HDGFL3: variants seen among roughly 807,000 people sequenced by gnomAD.
The protein encoded by HDGFL3 is hepatoma-derived growth factor-related protein 3.
A neutral mutation model predicts 27.6 loss-of-function variants in HDGFL3; 6 were observed. That is an observed-to-expected ratio of 0.22 (90% CI 0.12 to 0.43). The LOEUF is 0.43. HDGFL3 is among the 20% of genes least tolerant of loss of function. The pLI is 1.00. For synonymous variants in HDGFL3, 88 were observed against 88.9 expected (o/e 0.99, Z 0.05); for missense variants, 207 against 250.1 (o/e 0.83, Z 1.16).
chr15:83,139,123 G>A lies in HDGFL3; in HGVS notation c.*147C>T, dbSNP rs2036715502. 1 of 455,934 alleles carries A rather than the reference G, an allele frequency of 2.2e-6. No individual in the cohort carries two copies. Among genetic ancestry groups the A allele is most frequent in the African/African-American group, 2.0e-5 (1 of 50,364 alleles). The allele number at this position is 455,934 out of a possible 1,614,324, so 28.2% of individuals were successfully genotyped here. On this transcript the variant is annotated 3_prime_UTR_variant, in exon 6 of 6. Coordinates refer to ENST00000299633, the MANE Select transcript of HDGFL3 (RefSeq NM_016073.4). ...TTTTCCCCCCGAAACACAACAGAGA[G>A]GAATATGAATAATGTACATACAAAC...
intron 1 of HDGFL3, among the ~76,000 whole-genome samples, chr15:83,203,618 T>C (rs1192390660): frequency 6.6e-6 from 1 of 152,014 alleles, no homozygotes; most frequent in Admixed American, 6.6e-5. Context: ...TTAAGAACAA[T>C]GACCATCCAT....
intron 1 of HDGFL3, among the ~76,000 whole-genome samples, chr15:83,178,822 A>G (rs981328544): frequency 5.9e-5 from 9 of 152,288 alleles, no homozygotes; most frequent in African/African-American, 2.2e-4. Context: ...TAAATCAGTG[A>G]TTAATTCTTC....
At chr15:83,174,780 G>A (rs1396492021) in intron 1 of HDGFL3, among the ~76,000 whole-genome samples, 1 of 152,168 alleles carries the variant, frequency 6.6e-6, no homozygotes, top group Admixed American at 6.5e-5. Context: ...CAAAGTGAAA[G>A]GTTTAAAATA....
intron 1 of HDGFL3, among the ~76,000 whole-genome samples, chr15:83,172,478 A>C (rs1387845808): frequency 6.6e-6 from 1 of 152,202 alleles, no homozygotes; most frequent in Admixed American, 6.5e-5. Flanking sequence ...CAAACAGTAG[A>C]TTAACAAATA....
chr15:83,183,719 A>G (rs890354105), intron 1 of HDGFL3, among the ~76,000 whole-genome samples: 1 of 151,752 alleles, frequency 6.6e-6, no homozygotes, highest in African/African-American at 2.4e-5. Context: ...GATTGTGCCA[A>G]TGCACTCCAG....
At chr15:83,200,856 C>CTTTTTTTT (rs200038603) in intron 1 of HDGFL3, among the ~76,000 whole-genome samples, 10 of 120,160 alleles carry the variant, frequency 8.3e-5, no homozygotes, top group Non-Finnish European at 1.2e-4. Context: ...TTACTTTATT[C>CTTTTTTTT]TTTTTTTTTT....
In HDGFL3 at chr15:83,207,304, G is replaced by A. The variant is rs1226377109; in HGVS notation, c.84+27C>T. On this transcript the variant is annotated intron_variant, in intron 1 of 5. Transcript: ENST00000299633. This position sits in a 1 kb window ranked among gnomAD's most constrained non-coding sequence, Gnocchi z 4.8. ...ATGAAGGGGAAAATGGTGGGCGGGC[G>A]GGCCCGCGCGCGGCCGCGGTACTCA... 7 of 1,324,894 alleles carry A rather than the reference G, an allele frequency of 5.3e-6. No homozygotes were observed. The highest frequency in any genetic ancestry group is 3.0e-5 in the East Asian group (1 of 32,916). The allele number at this position is 1,324,894 out of a possible 1,614,324, so 82.1% of individuals were successfully genotyped here. A position where few individuals can be genotyped will look rare whatever the true frequency, so the allele number is the denominator to read the frequency against.
chr15:83,124,540 G>A, downstream of HDGFL3: 1 of 660,464 alleles, frequency 1.5e-6, no homozygotes. Flanking sequence ...AAAGTTCCAT[G>A]GCCAGTGATT....
At chr15:83,148,456 C>T (rs541694826) in intron 5 of HDGFL3, among the ~76,000 whole-genome samples, 9 of 151,928 alleles carry the variant, frequency 5.9e-5, no homozygotes, top group Non-Finnish European at 1.3e-4. Context: ...CCCGTCTCTA[C>T]TAAAAATACA....
chr15:83,202,760 G>A (rs947603408), intron 1 of HDGFL3, among the ~76,000 whole-genome samples: 2 of 151,956 alleles, frequency 1.3e-5, no homozygotes, highest in African/African-American at 4.8e-5. Flanking sequence ...ATCAAGACAG[G>A]GAACATTTCC....
intron 1 of HDGFL3, among the ~76,000 whole-genome samples, chr15:83,172,360 G>C (rs1487649913): frequency 6.6e-6 from 1 of 151,994 alleles, no homozygotes; most frequent in East Asian, 1.9e-4. Flanking sequence ...ATTCATCCTT[G>C]AACAACAGGG....
intron 1 of HDGFL3, among the ~76,000 whole-genome samples, chr15:83,200,235 A>C (rs1208766184): frequency 6.6e-6 from 1 of 150,436 alleles, no homozygotes; most frequent in Non-Finnish European, 1.5e-5. Flanking sequence ...AGTCCTAGCT[A>C]CTCGGGAGGC....
At chr15:83,115,045 A>T (rs2034531404) in exon 4 of HDGFL3, 1 of 152,558 alleles carries the variant, frequency 6.6e-6, no homozygotes, top group Admixed American at 6.5e-5. Context: ...CATGTGGAAT[A>T]GGGTAACCAC....
At chr15:83,149,550 T>C (rs1318398527) in intron 5 of HDGFL3, among the ~76,000 whole-genome samples, 1 of 152,108 alleles carries the variant, frequency 6.6e-6, no homozygotes, top group South Asian at 2.1e-4. Context: ...AAATGTCTGA[T>C]AGTATTAAAT....
Position 83,207,399 on chromosome 15 carries a change from G to A in HDGFL3, c.16C>T (p.Pro6Ser). Reference sequence around the variant, plus strand: ...AGGTCGCCCGCTTTGTACTCGCGGGGCCGCGGACGCGCCATCCCAGCCGCT... The same window carrying A: ...AGGTCGCCCGCTTTGTACTCGCGGGACCGCGGACGCGCCATCCCAGCCGCT... MARPR[P>S]REYKAGDLVF... The change falls in exon 1 of 6, where the codon CCC becomes TCC. Residue 6 changes from proline to serine, a missense_variant. Transcript: ENST00000299633. This position sits in a 1 kb window ranked among gnomAD's most constrained non-coding sequence, Gnocchi z 4.8. 1 of 1,351,334 alleles carries A rather than the reference G, an allele frequency of 7.4e-7. No individual in the cohort carries two copies. Among genetic ancestry groups the A allele is most frequent in the Non-Finnish European group, 9.6e-7 (1 of 1,046,806 alleles). 83.7% of individuals were successfully genotyped at this position (1,351,334 alleles called of 1,614,324 possible). A position where few individuals can be genotyped will look rare whatever the true frequency, so the allele number is the denominator to read the frequency against.
chr15:83,153,580 G>A (rs576249100), intron 4 of HDGFL3, among the ~76,000 whole-genome samples: 4 of 152,134 alleles, frequency 2.6e-5, no homozygotes, highest in Admixed American at 2.6e-4. Context: ...TTTTGGAGAA[G>A]GACTCAGTTT....
In HDGFL3 at chr15:83,158,002, C is replaced by T. The variant is rs764238705; in HGVS notation, c.201G>A (p.Glu67=). 8 of 1,611,902 alleles carry T rather than the reference C, an allele frequency of 5.0e-6. No homozygotes were observed. The highest frequency in any genetic ancestry group is 6.8e-6 in the Non-Finnish European group (8 of 1,178,442). ...LGPKDLFPYK[E]YKDKFGKSNK... ...TTGACTTTCCAAACTTGTCTTTGTA[C>T]TCCTTATATGGAAAAAGGTCTTTGG... is the stretch of plus-strand genomic sequence containing the variant. Residue 67 remains glutamate (E), a synonymous_variant, in exon 3 of 6, where the codon GAG becomes GAA. Coordinates refer to ENST00000299633, the MANE Select transcript of HDGFL3 (RefSeq NM_016073.4).
rs766372255 is a variant in HDGFL3 at position 83,198,054 on chromosome 15, C to CAAAAAAAAAAAAAAAAAAAAA, written c.84+9276_84+9277insTTTTTTTTTTTTTTTTTTTTT. Among the ~76,000 whole-genome samples the CAAAAAAAAAAAAAAAAAAAAA allele has an allele frequency of 4.5e-4, 26 of 57,596 alleles. 1 individual carries two copies. The highest frequency in any genetic ancestry group is 1.8e-3 in the African/African-American group (19 of 10,456). The allele number at this position is 57,596 out of a possible 152,430, so 37.8% of individuals were successfully genotyped here. A position where few individuals can be genotyped will look rare whatever the true frequency, so the allele number is the denominator to read the frequency against. The stretch of plus-strand genomic sequence containing the variant: ...GGGGTGACAGAGAGAGACTCCGTCT[C>CAAAAAAAAAAAAAAAAAAAAA]AAAAAAAAAAAAAAAAAAAAGAAGC... On this transcript the variant is annotated intron_variant, in intron 1 of 5. Transcript: ENST00000299633.
intron 5 of HDGFL3, among the ~76,000 whole-genome samples, chr15:83,140,202 T>C (rs2036740487): frequency 6.6e-6 from 1 of 152,146 alleles, no homozygotes; most frequent in Non-Finnish European, 1.5e-5. Flanking sequence ...TTCCAGGACC[T>C]TCAAAGGAGA....
Sources: allele counts gnomAD v4.1 joint callset (sites outside exome capture counted in the v4.1 genomes callset), GRCh38; gene constraint gnomAD v4.1.1; non-coding constraint Gnocchi (gnomAD v3.1); transcripts MANE v1.5; gene names NCBI Gene and HGNC (gene_info 2026-07-23, HGNC 2026-07-21).